The following LONP1 variants were observed in gnomAD, a reference collection of about 807,000 sequenced individuals.
The protein encoded by LONP1 is lon protease homolog, mitochondrial.
A neutral mutation model predicts 98.5 loss-of-function variants in LONP1; 31 were observed. That is an observed-to-expected ratio of 0.31 (90% CI 0.24 to 0.42). The LOEUF is 0.42. LONP1 is among the 20% of genes least tolerant of loss of function. LONP1 has a pLI of 1.00. For missense variants in LONP1, 1,336 were observed against 1,350.6 expected (o/e 0.99, Z 0.17); for synonymous variants, 781 against 594.7 (o/e 1.31, Z -4.56).
At chr19:5,692,518 C>T (rs1193573572) in intron 17 of LONP1, among the ~76,000 whole-genome samples, 1 of 152,166 alleles carries the variant, frequency 6.6e-6, no homozygotes, top group Non-Finnish European at 1.5e-5. Context: ...CACGGCCTCA[C>T]ATCCAGAGGT....
chr19:5,697,614 A>G (rs2054962352), intron 10 of LONP1, among the ~76,000 whole-genome samples: 1 of 143,944 alleles, frequency 6.9e-6, no homozygotes, highest in African/African-American at 2.6e-5. Context: ...GGGGTGGGGC[A>G]GGTCATGCGG....
In LONP1 at chr19:5,696,154, G is replaced by A. The variant is rs757666530; in HGVS notation, c.1913C>T (p.Thr638Met). The change falls in exon 13 of 18, where the codon ACG (threonine) becomes ATG (methionine). Residue 638 changes from threonine to methionine, a missense_variant. Coordinates refer to ENST00000360614, the MANE Select transcript of LONP1 (RefSeq NM_004793.4). ...VDLSKVLFIC[T>M]ANVTDTIPEP... ...GGGGATGGTGTCCGTGACGTTGGCC[G>A]TGCAGATGAACAGCACCTGGGGGCG... The A allele has an allele frequency of 6.2e-7, 1 of 1,612,916 alleles. No homozygotes were observed. The highest frequency in any genetic ancestry group is 8.5e-7 in the Non-Finnish European group (1 of 1,179,878).
Position 5,719,999 on chromosome 19 carries a change from G to A in LONP1, c.134C>T (p.Thr45Ile). The change falls in exon 1 of 18, where the codon ACC becomes ATC. Residue 45 changes from threonine to isoleucine, a missense_variant. This residue lies in a region of LONP1 where 457 missense variants were observed against 403.1 expected (regional missense o/e 1.13). Coordinates refer to ENST00000360614, the MANE Select transcript of LONP1 (RefSeq NM_004793.4). ...AGAWLLRGQR[T>I]CDASPPWALW... ...TGCCCAAGGAGGAGAGGCGTCGCAG[G>A]TCCGCTGGCCTCGGAGCAACCACGC... 6.3e-7 allele frequency: 1 copy of A among 1,579,346 alleles called. No homozygotes were observed. The highest frequency in any genetic ancestry group is 8.6e-7 in the Non-Finnish European group (1 of 1,165,178).
At chr19:5,695,355 C>T (rs1446305068) in intron 13 of LONP1, among the ~76,000 whole-genome samples, 3 of 152,020 alleles carry the variant, frequency 2.0e-5, no homozygotes, top group East Asian at 3.9e-4. Context: ...ATCTGTGAGA[C>T]GGACAGAGCC....
At chr19:5,705,717 T>C (rs954170619) in intron 8 of LONP1, 55 bp downstream of exon 8, 4 of 1,545,076 alleles carry the variant, frequency 2.6e-6, no homozygotes, top group Admixed American at 3.4e-5. Context: ...CTGCCTAAGA[T>C]GGGGGCTGAG....
At chr19:5,693,996 C>T (rs1437489467) in intron 15 of LONP1, among the ~76,000 whole-genome samples, 1 of 152,146 alleles carries the variant, frequency 6.6e-6, no homozygotes, top group Non-Finnish European at 1.5e-5. Context: ...CTGCCAGCCA[C>T]AGAGGACACG....
rs138649872 is a variant in LONP1 at position 5,696,697 on chromosome 19, C to G, written c.1746G>C (p.Thr582=). 1.9e-6 allele frequency: 3 copies of G among 1,613,662 alleles called. No individual in the cohort carries two copies. Among genetic ancestry groups the G allele is most frequent in the Admixed American group, 3.3e-5 (2 of 60,012 alleles). Residue 582 remains threonine, a synonymous_variant, in exon 11 of 18, where the codon ACG becomes ACC. Coordinates refer to ENST00000360614, the MANE Select transcript of LONP1 (RefSeq NM_004793.4). ...KIIQCLKKTK[T]ENPLILIDEV... Reference sequence around the variant, plus strand: ...CGTCGATGAGGATCAGGGGGTTCTCCGTCTTGGTCTTCTTCAAACACTGGA... The same window carrying G: ...CGTCGATGAGGATCAGGGGGTTCTCGGTCTTGGTCTTCTTCAAACACTGGA...
At chr19:5,703,515 G>A (rs1279439835) in intron 8 of LONP1, among the ~76,000 whole-genome samples, 1 of 152,126 alleles carries the variant, frequency 6.6e-6, no homozygotes, top group Non-Finnish European at 1.5e-5. Flanking sequence ...AGTGAGGGCT[G>A]CAAGAGCACA....
rs1432883956 is a variant in LONP1, at chr19:5,719,734, C to T, written c.399G>A (p.Pro133=). ...TAATCTTGATAAAGCGCGGGAACAC[C>T]GGGTTGCGGGTGATGGCGATGAGCG... ...HLPLIAITRN[P]VFPRFIKIIE... is the part of the protein sequence containing the mutation. Residue 133 remains proline (P), a synonymous_variant, in exon 1 of 18, where the codon CCG becomes CCA. Coordinates refer to ENST00000360614, the MANE Select transcript of LONP1 (RefSeq NM_004793.4). The T allele has an allele frequency of 5.6e-6, 9 of 1,613,842 alleles. No individual in the cohort carries two copies. The highest frequency in any genetic ancestry group is 6.8e-6 in the Non-Finnish European group (8 of 1,180,006).
In LONP1 at chr19:5,692,109, A is replaced by G. The variant is rs1328787179; in HGVS notation, c.2803T>C (p.Phe935Leu). The G allele has an allele frequency of 6.2e-7, 1 of 1,603,852 alleles. No homozygotes were observed. Among genetic ancestry groups the G allele is most frequent in the Admixed American group, 1.7e-5 (1 of 59,116 alleles). Reference protein sequence around the residue: ...AFITEGLEVHFVEHYREIFDI... With the variant: ...AFITEGLEVHLVEHYREIFDI... Reference sequence around the variant, plus strand: ...AAGATCTCCCGGTAGTGTTCCACGAAGTGCACCTCCAGGCCCTCGGTGATG... The same window carrying G: ...AAGATCTCCCGGTAGTGTTCCACGAGGTGCACCTCCAGGCCCTCGGTGATG... The change falls in exon 18 of 18, where the codon TTC becomes CTC. Residue 935 changes from phenylalanine (F) to leucine (L), a missense_variant. By Grantham distance (22) the Phe-to-Leu change is conservative. This residue lies in a region of LONP1 where 555 missense variants were observed against 542.6 expected (regional missense o/e 1.02). Coordinates refer to ENST00000360614, the MANE Select transcript of LONP1 (RefSeq NM_004793.4).
rs918637229 is a variant in LONP1 at position 5,719,742 on chromosome 19, G to T, written c.391C>A (p.Arg131Ser). The change falls in exon 1 of 18, where the codon CGC becomes AGC. Residue 131 changes from arginine to serine, a missense_variant. Around this residue, in one of 5 missense-constraint regions of LONP1, gnomAD observed 457 missense variants for 403.1 expected, o/e 1.13. Transcript: ENST00000360614. ...FPHLPLIAITRNPVFPRFIKI... is the reference protein window; with the variant it reads ...FPHLPLIAITSNPVFPRFIKI... ...ATAAAGCGCGGGAACACCGGGTTGC[G>T]GGTGATGGCGATGAGCGGCAGGTGC... 6 of 1,613,860 alleles carry T rather than the reference G, an allele frequency of 3.7e-6. No homozygotes were observed. The highest frequency in any genetic ancestry group is 5.1e-6 in the Non-Finnish European group (6 of 1,180,034).
At chr19:5,700,115 A>AT (rs919935584) in intron 9 of LONP1, among the ~76,000 whole-genome samples, 25 of 150,916 alleles carry the variant, frequency 1.7e-4, no homozygotes, top group African/African-American at 5.1e-4. Context: ...ATTAAAAAAA[A>AT]TTTTTTTTCC....
rs140242308 is a variant in LONP1, at chr19:5,696,153, C to T, written c.1914G>A (p.Thr638=). ...CGGGGATGGTGTCCGTGACGTTGGC[C>T]GTGCAGATGAACAGCACCTGGGGGC... ...VDLSKVLFIC[T]ANVTDTIPEP... The change falls in exon 13 of 18, where the codon ACG becomes ACA. Residue 638 remains threonine (T), a synonymous_variant. Transcript: ENST00000360614. 1.5e-3 allele frequency: 2,454 copies of T among 1,612,958 alleles called. 6 individuals carry two copies. Among genetic ancestry groups the T allele is most frequent in the Non-Finnish European group, 1.9e-3 (2,263 of 1,179,900 alleles).
At chr19:5,720,302 G>T (rs2145647199), upstream of LONP1, 1 of 965,880 alleles carries the variant, frequency 1.0e-6, no homozygotes, top group Non-Finnish European at 1.4e-6. Context: ...GCATCGGATC[G>T]TCTCCGCCTC....
rs768562749 is a variant in LONP1, at chr19:5,696,342, C to A, written c.1803G>T (p.Gly601=). 2.5e-6 allele frequency: 4 copies of A among 1,613,188 alleles called. No individual in the cohort carries two copies. Among genetic ancestry groups the A allele is most frequent in the Non-Finnish European group, 3.4e-6 (4 of 1,179,860 alleles). The change falls in exon 12 of 18, where the codon GGG becomes GGT. Residue 601 remains glycine, a synonymous_variant. Transcript: ENST00000360614. ...EVDKIGRGYQ[G]DPSSALLELL... ...GCTCCAGCAGTGCCGACGACGGGTC[C>A]CCCTGGTAGCCTCGGCCGATCTTGT...
chr19:5,709,907 C>CAAAAAAAAAAAAAAAAAA (rs755774542), intron 4 of LONP1, among the ~76,000 whole-genome samples: 7 of 38,666 alleles, frequency 1.8e-4, no homozygotes, highest in Admixed American at 4.1e-4. Flanking sequence ...GGCTCCATCT[C>CAAAAAAAAAAAAAAAAAA]AAAAAAAAAA....
chr19:5,715,365 TG>T (rs1416439635), intron 1 of LONP1, among the ~76,000 whole-genome samples: 3 of 149,662 alleles, frequency 2.0e-5, no homozygotes, highest in African/African-American at 7.3e-5. Flanking sequence ...AGTTTCAGGC[TG>T]GGCGCGGTGG....
intron 8 of LONP1, among the ~76,000 whole-genome samples, chr19:5,702,881 G>A (rs572824454): frequency 2.1e-4 from 31 of 151,000 alleles, no homozygotes; most frequent in Admixed American, 1.4e-3. Context: ...CAAACACTGC[G>A]GAAGGCCGCA....
Position 5,699,059 on chromosome 19 carries a change from G to A in LONP1, c.1653C>T (p.Gly551=), listed in dbSNP as rs147331639. ...CCTTGATCTCAGCCACGTCAGTCATGCCCCCGACGCTGAAGCGGAAGTACT... is the reference window on the plus strand; with the variant it reads ...CCTTGATCTCAGCCACGTCAGTCATACCCCCGACGCTGAAGCGGAAGTACT... ...NREYFRFSVG[G]MTDVAEIKGH... is the part of the protein sequence containing the mutation. Residue 551 remains glycine (G), a synonymous_variant, in exon 10 of 18, where the codon GGC becomes GGT. Coordinates refer to ENST00000360614, the MANE Select transcript of LONP1 (RefSeq NM_004793.4). 232 of 1,608,564 alleles carry A rather than the reference G, an allele frequency of 1.4e-4. 1 individual carries two copies. In the African/African-American group the frequency reaches 2.9e-3, roughly 20 times the overall value.
Sources: allele counts gnomAD v4.1 joint callset (sites outside exome capture counted in the v4.1 genomes callset), GRCh38; gene constraint gnomAD v4.1.1; regional missense constraint gnomAD v4.1.1; transcripts MANE v1.5; gene names NCBI Gene and HGNC (gene_info 2026-07-23, HGNC 2026-07-21).